The following SKIL variants were observed in gnomAD, a reference collection of about 807,000 sequenced individuals.
SKIL encodes the protein SKI like proto-oncogene, also known as ski-like protein.
A neutral mutation model predicts 69.6 loss-of-function variants in SKIL; 20 were observed. The ratio of observed to expected loss-of-function variants is 0.29; its 90% CI spans 0.20 to 0.42. The LOEUF (loss-of-function observed/expected upper bound fraction) is 0.42. Among genes scored for constraint, SKIL ranks in the 10% least tolerant of loss-of-function variants. The pLI is 1.00. For synonymous variants in SKIL, 310 were observed against 279.9 expected (o/e 1.11, Z -1.08); for missense variants, 745 against 783.1 (o/e 0.95, Z 0.58).
intron 4 of SKIL, among the ~76,000 whole-genome samples, chr3:170,386,321 G>A (rs989845480): frequency 1.1e-4 from 16 of 150,938 alleles, no homozygotes; most frequent in Non-Finnish European, 1.5e-4. Flanking sequence ...GTAGACACGG[G>A]GTTTTTCCAT....
chr3:170,387,777 CA>C (rs1191538992), intron 4 of SKIL, among the ~76,000 whole-genome samples: 1 of 41,330 alleles, frequency 2.4e-5, no homozygotes, highest in African/African-American at 6.9e-5. Flanking sequence ...AAAAAAAATA[CA>C]AAAAAATTAG....
intron 2 of SKIL, 72 bp downstream of exon 2, chr3:170,361,501 T>A: frequency 8.9e-7 from 1 of 1,122,226 alleles, no homozygotes; most frequent in Non-Finnish European, 1.3e-6. Flanking sequence ...GTTTAGTGTG[T>A]AACTTAACCT....
chr3:170,391,094 A>G lies in SKIL; in HGVS notation c.1730A>G (p.Asn577Ser), dbSNP rs1240681503. 6.2e-7 allele frequency: 1 copy of G among 1,610,944 alleles called. No homozygotes were observed. Among genetic ancestry groups the G allele is most frequent in the African/African-American group, 1.3e-5 (1 of 74,990 alleles). ...SMKELTEEQQNLQKELESLQN... is the reference protein window; with the variant it reads ...SMKELTEEQQSLQKELESLQN... ...AAGGAACTCACTGAAGAACAGCAGA[A>G]TTTACAGAAAGAGCTTGAATCTTTG... is the stretch of plus-strand genomic sequence containing the variant. The change falls in exon 6 of 7, where the codon AAT becomes AGT. Residue 577 changes from asparagine (N) to serine (S), a missense_variant. Coordinates refer to ENST00000259119, the MANE Select transcript of SKIL (RefSeq NM_005414.5).
In SKIL at chr3:170,394,114, A is replaced by ATTTTTTTTTTTT. The variant is rs1560224797; in HGVS notation, c.*1697_*1698insTTTTTTTTTTTT. Reference sequence around the variant, plus strand: ...AATATTAAAATGACATGTAGAAACAAATTTTTTTTTTTTTTTTTTTTTTTT... The same window carrying ATTTTTTTTTTTT: ...AATATTAAAATGACATGTAGAAACAATTTTTTTTTTTTATTTTTTTTTTTTTTTTTTTTTTTT... On this transcript the variant is annotated 3_prime_UTR_variant, in exon 7 of 7. Transcript: ENST00000259119. The ATTTTTTTTTTTT allele has an allele frequency of 1.5e-5, 2 of 131,666 alleles. No homozygotes were observed. Among genetic ancestry groups the ATTTTTTTTTTTT allele is most frequent in the African/African-American group, 3.1e-5 (1 of 32,372 alleles). The allele number at this position is 131,666 out of a possible 1,614,324, so 8.2% of individuals were successfully genotyped here. A position where few individuals can be genotyped will look rare whatever the true frequency, so the allele number is the denominator to read the frequency against.
chr3:170,371,141 T>C (rs998960123), intron 2 of SKIL, among the ~76,000 whole-genome samples: 10 of 152,206 alleles, frequency 6.6e-5, no homozygotes, highest in African/African-American at 2.4e-4. Context: ...CTGGAATTTA[T>C]TCATTTGCGT....
At chr3:170,365,753 T>C (rs1169093126) in intron 2 of SKIL, among the ~76,000 whole-genome samples, 2 of 5,316 alleles carry the variant, frequency 3.8e-4, no homozygotes, top group Non-Finnish European at 1.2e-3. Flanking sequence ...CAAACTAGGC[T>C]TTTTTTTTTT....
At chr3:170,377,636 C>T (rs1737101058) in intron 2 of SKIL, among the ~76,000 whole-genome samples, 1 of 148,684 alleles carries the variant, frequency 6.7e-6, no homozygotes, top group African/African-American at 2.5e-5. Flanking sequence ...GCAACCTCCG[C>T]CCTCTGAGTT....
At chr3:170,365,417 C>T (rs1736450603) in intron 2 of SKIL, among the ~76,000 whole-genome samples, 2 of 152,150 alleles carry the variant, frequency 1.3e-5, no homozygotes, top group African/African-American at 4.8e-5. Flanking sequence ...TGACATGGCA[C>T]TCACAGGAAA....
chr3:170,388,798 G>C (rs1737770373), intron 4 of SKIL, among the ~76,000 whole-genome samples: 2 of 151,798 alleles, frequency 1.3e-5, no homozygotes, highest in Non-Finnish European at 2.9e-5. Flanking sequence ...TTTTTTTCTT[G>C]TTTTAGGTAT....
chr3:170,383,033 T>C (rs898548099), intron 3 of SKIL, among the ~76,000 whole-genome samples: 3 of 152,182 alleles, frequency 2.0e-5, no homozygotes, highest in African/African-American at 7.2e-5. Flanking sequence ...AACTTTGATA[T>C]TTTAAAAAGA....
chr3:170,366,552 C>T (rs141514387), intron 2 of SKIL, among the ~76,000 whole-genome samples: 3 of 151,970 alleles, frequency 2.0e-5, no homozygotes, highest in African/African-American at 4.8e-5. Context: ...TGGTGACACA[C>T]GCCTGTAATC....
At position 170,360,249 on chromosome 3, in the gene SKIL, C is replaced by T. The variant is rs997300216; in HGVS notation, c.-83C>T. 1.6e-6 allele frequency: 2 copies of T among 1,260,490 alleles called. No individual in the cohort carries two copies. Among genetic ancestry groups the T allele is most frequent in the East Asian group, 2.4e-5 (1 of 41,616 alleles). The allele number at this position is 1,260,490 out of a possible 1,614,324, so 78.1% of individuals were successfully genotyped here. ...GTAAGTTACGATAGGCATTTGTATCCATTCATTACTTTCCTCTTTTCAAAT... is the reference window on the plus strand; with the variant it reads ...GTAAGTTACGATAGGCATTTGTATCTATTCATTACTTTCCTCTTTTCAAAT... On this transcript the variant is annotated 5_prime_UTR_variant, in exon 2 of 7. Coordinates refer to ENST00000259119, the MANE Select transcript of SKIL (RefSeq NM_005414.5).
chr3:170,391,789 A>G (rs544805802), intron 6 of SKIL, among the ~76,000 whole-genome samples: 30 of 152,084 alleles, frequency 2.0e-4, no homozygotes, highest in African/African-American at 7.0e-4. Flanking sequence ...ACTGCAGTTT[A>G]GTTACCTAAA....
intron 2 of SKIL, among the ~76,000 whole-genome samples, chr3:170,364,307 CCGT>C (rs1736391507): frequency 7.6e-6 from 1 of 132,162 alleles, no homozygotes; most frequent in Non-Finnish European, 1.5e-5. Context: ...ATTGTTGCTC[CCGT>C]CTTTTTTTTT....
At position 170,392,433 on chromosome 3, in the gene SKIL, T is replaced by G; in HGVS notation, c.*16T>G. 5 of 1,574,776 alleles carry G rather than the reference T, an allele frequency of 3.2e-6. No homozygotes were observed. Among genetic ancestry groups the G allele is most frequent in the Non-Finnish European group, 4.3e-6 (5 of 1,156,298 alleles). Reference sequence around the variant, plus strand: ...TAAAGAATAGAAACTGTTAAAGAGATTCATCTGTGTATTACTGACAAGGTT... The same window carrying G: ...TAAAGAATAGAAACTGTTAAAGAGAGTCATCTGTGTATTACTGACAAGGTT... On this transcript the variant is annotated 3_prime_UTR_variant, in exon 7 of 7. Transcript: ENST00000259119.
At position 170,394,439 on chromosome 3, in the gene SKIL, C is replaced by CA. The variant is rs1368767354; in HGVS notation, c.*2025dup. The CA allele has an allele frequency of 1.3e-5, 2 of 151,764 alleles. No individual in the cohort carries two copies. Among genetic ancestry groups the CA allele is most frequent in the African/African-American group, 4.9e-5 (2 of 41,118 alleles). 9.4% of individuals were successfully genotyped at this position (151,764 alleles called of 1,614,324 possible). A position where few individuals can be genotyped will look rare whatever the true frequency, so the allele number is the denominator to read the frequency against. On this transcript the variant is annotated 3_prime_UTR_variant, in exon 7 of 7. Coordinates refer to ENST00000259119, the MANE Select transcript of SKIL (RefSeq NM_005414.5). ...AGCTCAGCTTTTTGGAAGACAAACT[C>CA]AAACACCTATAATTTCATTTATATT...
At chr3:170,390,500 A>C in intron 5 of SKIL, 36 bp downstream of exon 5, 1 of 1,572,342 alleles carries the variant, frequency 6.4e-7, no homozygotes, top group Non-Finnish European at 8.7e-7. Context: ...CCATTATGAA[A>C]AGATACTTTT....
At chr3:170,370,437 GAGCCCC>G (rs1560210633) in intron 2 of SKIL, among the ~76,000 whole-genome samples, 3 of 24,832 alleles carry the variant, frequency 1.2e-4, no homozygotes, top group African/African-American at 5.0e-4. Context: ...GAGAGAGAGA[GAGCCCC>G]CCCCCCCCCC....
Position 170,360,740 on chromosome 3 carries a change from C to A in SKIL, c.409C>A (p.Pro137Thr). ...PQVLPGPLLI[P>T]SDSSTELTQT... is the part of the protein sequence containing the mutation. ...GGTTCTTCCTGGCCCATTGCTCATCCCTTCAGATAGCTCCACAGAACTCAC... is the reference window on the plus strand; with the variant it reads ...GGTTCTTCCTGGCCCATTGCTCATCACTTCAGATAGCTCCACAGAACTCAC... The change falls in exon 2 of 7, where the codon CCT becomes ACT. Residue 137 changes from proline (P) to threonine (T), a missense_variant. Pro to Thr is a conservative substitution (Grantham distance 38). Transcript: ENST00000259119. 6.2e-7 allele frequency: 1 copy of A among 1,614,178 alleles called. No individual in the cohort carries two copies. The highest frequency in any genetic ancestry group is 8.5e-7 in the Non-Finnish European group (1 of 1,180,018).
Sources: gnomAD v4.1 joint callset for allele counts (sites outside exome capture counted in the v4.1 genomes callset) on GRCh38, gnomAD v4.1.1 for gene constraint, MANE v1.5 for transcripts, NCBI Gene and HGNC (gene_info 2026-07-23, HGNC 2026-07-21) for gene names.